Variants in ZEB1 observed in about 807,000 individuals in gnomAD.
The protein encoded by ZEB1 is zinc finger E-box-binding homeobox 1.
In ZEB1, 21 loss-of-function variants were observed where a neutral mutation model predicts 84.9. The ratio of observed to expected loss-of-function variants is 0.25; its 90% confidence interval spans 0.18 to 0.36. The LOEUF (loss-of-function observed/expected upper bound fraction) is 0.36, where lower values mean the gene tolerates loss of function less well. Ranked by LOEUF, ZEB1 falls within the 10% of genes least tolerant of loss-of-function variation. The pLI, the probability that ZEB1 is intolerant of heterozygous loss-of-function variation, is 1.00. For missense variants in ZEB1, 1,104 were observed against 1,330.2 expected (o/e 0.83, Z 2.65); for synonymous variants, 420 against 471.1 (o/e 0.89, Z 1.41).
At chr10:31,417,968 A>G (rs540309657) in intron 1 of ZEB1, among the ~76,000 whole-genome samples, 21 of 152,190 alleles carry the variant, frequency 1.4e-4, no homozygotes, top group African/African-American at 4.6e-4. Flanking sequence ...TAAATACAAG[A>G]GTATAGAGTA....
intron 2 of ZEB1, among the ~76,000 whole-genome samples, chr10:31,466,229 TAAAG>T (rs1417265304): frequency 3.9e-5 from 6 of 152,036 alleles, no homozygotes; most frequent in Non-Finnish European, 5.9e-5. Flanking sequence ...AGAAAATCAA[TAAAG>T]AAACAGTGGA....
At chr10:31,367,488 C>G (rs1463671644) in intron 1 of ZEB1, among the ~76,000 whole-genome samples, 1 of 152,172 alleles carries the variant, frequency 6.6e-6, no homozygotes, top group Non-Finnish European at 1.5e-5. Context: ...CTGCACTTTT[C>G]TAGGCAGTTT....
At chr10:31,327,351 T>C (rs2035783094) in intron 1 of ZEB1, among the ~76,000 whole-genome samples, 1 of 152,182 alleles carries the variant, frequency 6.6e-6, no homozygotes, top group Non-Finnish European at 1.5e-5. Context: ...CCTCAGCTGA[T>C]CCACCTGCCT....
intron 3 of ZEB1, among the ~76,000 whole-genome samples, chr10:31,499,679 CGCTTGGACCCAGGA>C (rs1320391378): frequency 6.6e-6 from 1 of 151,940 alleles, no homozygotes; most frequent in South Asian, 2.1e-4. Flanking sequence ...GCGGGAGAAT[CGCTTGGACCCAGGA>C]GGTGGAGGTT....
chr10:31,343,385 G>T (rs954428662), intron 1 of ZEB1, among the ~76,000 whole-genome samples: 1 of 151,900 alleles, frequency 6.6e-6, no homozygotes, highest in African/African-American at 2.4e-5. Flanking sequence ...TATCCTGAAC[G>T]TTTCTCTTCA....
chr10:31,329,713 A>AAG (rs2036354699), intron 1 of ZEB1, among the ~76,000 whole-genome samples: 1 of 152,130 alleles, frequency 6.6e-6, no homozygotes, highest in Non-Finnish European at 1.5e-5. Context: ...CCTTGCAAAC[A>AAG]ATTGTCCATG....
intron 1 of ZEB1, among the ~76,000 whole-genome samples, chr10:31,390,561 C>T (rs1184068934): frequency 1.3e-5 from 2 of 152,214 alleles, no homozygotes; most frequent in African/African-American, 2.4e-5. Flanking sequence ...AACAGCACAA[C>T]GCTGCTATCA....
chr10:31,432,645 T>A (rs562520375), intron 1 of ZEB1, among the ~76,000 whole-genome samples: 2 of 152,310 alleles, frequency 1.3e-5, no homozygotes, highest in East Asian at 3.9e-4. Context: ...CTAACCTTAT[T>A]AAATTCTACA....
chr10:31,326,728 A>AT (rs1410215854), intron 1 of ZEB1, among the ~76,000 whole-genome samples: 1 of 152,222 alleles, frequency 6.6e-6, no homozygotes, highest in Non-Finnish European at 1.5e-5. Context: ...GAATTTTCAA[A>AT]TTTATTATAC....
At chr10:31,497,933 A>T (rs2067488629) in intron 3 of ZEB1, among the ~76,000 whole-genome samples, 1 of 137,050 alleles carries the variant, frequency 7.3e-6, no homozygotes, top group Non-Finnish European at 1.5e-5. Context: ...AAATAGATAG[A>T]TAGATAGATA....
intron 1 of ZEB1, among the ~76,000 whole-genome samples, chr10:31,368,662 G>A (rs549180863): frequency 3.3e-5 from 5 of 151,992 alleles, no homozygotes; most frequent in Non-Finnish European, 5.9e-5. Context: ...AACTCGTTAA[G>A]CATTTATTTT....
At chr10:31,424,400 T>C (rs1486070974) in intron 1 of ZEB1, among the ~76,000 whole-genome samples, 3 of 152,034 alleles carry the variant, frequency 2.0e-5, no homozygotes, top group Non-Finnish European at 4.4e-5. Flanking sequence ...TAAGCTGCTA[T>C]ATTTAAATGG....
chr10:31,487,708 G>C (rs1011380159), intron 2 of ZEB1, among the ~76,000 whole-genome samples: 7 of 151,244 alleles, frequency 4.6e-5, no homozygotes, highest in African/African-American at 1.7e-4. Context: ...TCTTAATCTT[G>C]AGAAGAAAGC....
At chr10:31,484,180 TC>T (rs1441914433) in intron 2 of ZEB1, among the ~76,000 whole-genome samples, 2 of 152,084 alleles carry the variant, frequency 1.3e-5, no homozygotes, top group African/African-American at 4.8e-5. Context: ...CAGGATAATC[TC>T]CCCACCTTGA....
chr10:31,343,732 T>C (rs6481745), intron 1 of ZEB1, among the ~76,000 whole-genome samples: 30,412 of 152,094 alleles, frequency 0.2, 6,057 homozygotes, highest in African/African-American at 0.52. Context: ...TTGGTGGCTC[T>C]CTATTCTCTG....
At position 31,375,710 on chromosome 10, in the gene ZEB1, A is replaced by G. The variant is rs370908195; in HGVS notation, c.58+56418A>G. The stretch of plus-strand genomic sequence containing the variant: ...TTGGCAGTTTCTACTCTCAGAAGAA[A>G]TGAGTTGCGAATTACAGTGGTGTTA... On this transcript the variant is annotated intron_variant, in intron 1 of 8. Transcript: ENST00000424869. Among the ~76,000 whole-genome samples the G allele has an allele frequency of 7.2e-5, 11 of 151,946 alleles. No individual in the cohort carries two copies. In the East Asian group the frequency reaches 1.9e-3, roughly 27 times the overall value.
intron 1 of ZEB1, among the ~76,000 whole-genome samples, chr10:31,333,020 TA>T (rs2037134389): frequency 6.6e-6 from 1 of 152,222 alleles, no homozygotes; most frequent in Admixed American, 6.5e-5. Context: ...AAATGCTATA[TA>T]ATTTTATCAA....
chr10:31,461,866 A>T (rs749854624), intron 2 of ZEB1, among the ~76,000 whole-genome samples: 24 of 152,094 alleles, frequency 1.6e-4, no homozygotes, highest in Non-Finnish European at 3.2e-4. Flanking sequence ...TAGCTCTAAA[A>T]TTTCTTCTTT....
At chr10:31,354,744 T>C (rs1188891738) in intron 1 of ZEB1, among the ~76,000 whole-genome samples, 2 of 152,214 alleles carry the variant, frequency 1.3e-5, no homozygotes, top group African/African-American at 4.8e-5. Flanking sequence ...GAATTATCAC[T>C]TGTGAAACCT....
Sources: allele counts gnomAD v4.1 joint callset (sites outside exome capture counted in the v4.1 genomes callset), GRCh38; gene constraint gnomAD v4.1.1; transcripts MANE v1.5; gene names NCBI Gene and HGNC (gene_info 2026-07-23, HGNC 2026-07-21).